HHAT: variants seen among roughly 807,000 people sequenced by gnomAD.
HHAT encodes hedgehog acyltransferase.
A neutral mutation model predicts 70.8 loss-of-function variants in HHAT; 47 were observed. That is an observed-to-expected ratio of 0.66 (90% CI 0.53 to 0.85). The LOEUF is 0.85. Among genes scored for constraint, HHAT ranks in the 40% least tolerant of loss-of-function variants. The pLI is 0.00. For synonymous variants in HHAT, 228 were observed against 247.6 expected (o/e 0.92, Z 0.74); for missense variants, 609 against 604.8 (o/e 1.01, Z -0.07).
chr1:210,502,529 G>C (rs906221111), intron 8 of HHAT, among the ~76,000 whole-genome samples: 1 of 152,072 alleles, frequency 6.6e-6, no homozygotes, highest in African/African-American at 2.4e-5. Context: ...GTTAAAATCA[G>C]GTCCCTTATT....
intron 9 of HHAT, among the ~76,000 whole-genome samples, chr1:210,519,512 C>T (rs914205270): frequency 6.1e-5 from 9 of 146,592 alleles, no homozygotes; most frequent in Non-Finnish European, 1.3e-4. Context: ...ACATCCTTGC[C>T]AACAATTTTC....
At chr1:210,470,001 A>C (rs1047292452) in intron 8 of HHAT, among the ~76,000 whole-genome samples, 1 of 151,944 alleles carries the variant, frequency 6.6e-6, no homozygotes, top group East Asian at 1.9e-4. Flanking sequence ...TTCTCCCCAC[A>C]CCTGGCTAAT....
At chr1:210,334,634 T>C (rs1200698318) in intron 1 of HHAT, among the ~76,000 whole-genome samples, 2 of 152,090 alleles carry the variant, frequency 1.3e-5, no homozygotes, top group African/African-American at 4.8e-5. Flanking sequence ...ATTCCTGAAA[T>C]AGTGGATGTA....
In HHAT at chr1:210,550,474, T is replaced by C. The variant is rs144725861; in HGVS notation, c.1043+37286T>C. On this transcript the variant is annotated intron_variant, in intron 9 of 11. Coordinates refer to ENST00000261458, the MANE Select transcript of HHAT (RefSeq NM_018194.6). ...ATGGTGATAATACCTACTTCAGGAC[T>C]GCTGTTCAGCTTAAATGATATGAAG... Among the ~76,000 whole-genome samples, 48 of 149,196 alleles carry C rather than the reference T, an allele frequency of 3.2e-4. 6 individuals are homozygous for C. In the East Asian group the frequency reaches 0.01, roughly 31 times the overall value.
intron 11 of HHAT, among the ~76,000 whole-genome samples, chr1:210,642,482 A>T (rs1468913003): frequency 6.6e-6 from 1 of 152,230 alleles, no homozygotes; most frequent in African/African-American, 2.4e-5. Context: ...AGAGTGCATG[A>T]GGAACCTAGT....
At chr1:210,436,333 TA>T (rs2093373983) in intron 7 of HHAT, among the ~76,000 whole-genome samples, 2 of 151,858 alleles carry the variant, frequency 1.3e-5, no homozygotes, top group African/African-American at 4.9e-5. Context: ...CTTTTTTTTT[TA>T]ATGCCAGTAC....
At chr1:210,622,003 G>A (rs1668936184) in intron 10 of HHAT, among the ~76,000 whole-genome samples, 1 of 152,190 alleles carries the variant, frequency 6.6e-6, no homozygotes, top group African/African-American at 2.4e-5. Flanking sequence ...GGGGCTGGCA[G>A]GAGAGAACAG....
intron 3 of HHAT, among the ~76,000 whole-genome samples, chr1:210,387,110 C>T (rs867224501): frequency 5.3e-5 from 8 of 152,046 alleles, no homozygotes; most frequent in East Asian, 1.9e-4. Flanking sequence ...GAGTTCCTTA[C>T]GTCTCTGTTT....
At chr1:210,634,075 T>G (rs960708963) in intron 11 of HHAT, among the ~76,000 whole-genome samples, 3 of 152,242 alleles carry the variant, frequency 2.0e-5, no homozygotes, top group Admixed American at 6.5e-5. Context: ...AAGGGAAATT[T>G]AACCTTTGTT....
intron 7 of HHAT, among the ~76,000 whole-genome samples, chr1:210,428,451 G>A (rs1330581423): frequency 6.7e-6 from 1 of 150,108 alleles, no homozygotes; most frequent in African/African-American, 2.5e-5. Context: ...TTTTACTAAG[G>A]TCCTTTATAT....
At chr1:210,428,884 G>T (rs1572377140) in intron 7 of HHAT, among the ~76,000 whole-genome samples, 1 of 151,656 alleles carries the variant, frequency 6.6e-6, no homozygotes, top group Non-Finnish European at 1.5e-5. Flanking sequence ...GCTGAGATGG[G>T]TGAATCACTT....
intron 9 of HHAT, among the ~76,000 whole-genome samples, chr1:210,545,605 T>C (rs185609504): frequency 6.6e-6 from 1 of 152,184 alleles, no homozygotes; most frequent in East Asian, 1.9e-4. Flanking sequence ...CTTAGCTAAC[T>C]TTTGTATTTT....
At chr1:210,336,655 G>A (rs2085526568) in intron 1 of HHAT, among the ~76,000 whole-genome samples, 4 of 152,034 alleles carry the variant, frequency 2.6e-5, no homozygotes, top group Admixed American at 1.3e-4. Context: ...GTGGTGATGC[G>A]AGCCTGCAAT....
rs1553264934 is a variant in HHAT at position 210,544,391 on chromosome 1, T to TGTTTTTTTTTTTTTTTTTTTTTTTG, written c.1043+31204_1043+31205insTTTTTTTTTTTTTTTTTTTTTTTGG. The stretch of plus-strand genomic sequence containing the variant: ...CGTTTTTTTTTTTTTTTTTTTTTTT[T>TGTTTTTTTTTTTTTTTTTTTTTTTG]GACACAGTTTTGCTCTTGTTGCCCA... On this transcript the variant is annotated intron_variant, in intron 9 of 11. Transcript: ENST00000261458. 2.0e-5 allele frequency among the ~76,000 whole-genome samples: 2 copies of TGTTTTTTTTTTTTTTTTTTTTTTTG among 99,338 alleles called. 1 individual carries two copies. The allele number at this position is 99,338 out of a possible 152,430, so 65.2% of individuals were successfully genotyped here. A position where few individuals can be genotyped will look rare whatever the true frequency, so the allele number is the denominator to read the frequency against.
chr1:210,391,697 A>G (rs2091470435), intron 4 of HHAT, among the ~76,000 whole-genome samples: 1 of 152,252 alleles, frequency 6.6e-6, no homozygotes, highest in Non-Finnish European at 1.5e-5. Context: ...ATAAGATAAC[A>G]TTCTATGCTT....
intron 10 of HHAT, among the ~76,000 whole-genome samples, chr1:210,621,683 G>A (rs572708610): frequency 4.6e-5 from 7 of 152,194 alleles, no homozygotes; most frequent in East Asian, 3.9e-4. Context: ...TAGTTATCTC[G>A]TACCAGGTCT....
At chr1:210,638,337 T>C (rs1266992341) in intron 11 of HHAT, among the ~76,000 whole-genome samples, 1 of 152,216 alleles carries the variant, frequency 6.6e-6, no homozygotes, top group Non-Finnish European at 1.5e-5. Context: ...TGGAGTATTA[T>C]TCAGCAATAA....
In HHAT at chr1:210,502,982, T is replaced by TC. The variant is rs548342409; in HGVS notation, c.1008-10171_1008-10170insC. On this transcript the variant is annotated intron_variant, in intron 8 of 11. Transcript: ENST00000261458. ...CTATATACTGAAGATATTTTTTTTT[T>TC]TTTGAGACGGTCTCCCTCTGTCACC... 3.3e-3 allele frequency among the ~76,000 whole-genome samples: 500 copies of TC among 152,198 alleles called. 2 individuals carry two copies. Among genetic ancestry groups the TC allele is most frequent in the African/African-American group, 0.012 (478 of 41,516 alleles).
intron 6 of HHAT, among the ~76,000 whole-genome samples, chr1:210,406,393 T>G (rs899886465): frequency 1.5e-5 from 2 of 133,182 alleles, no homozygotes; most frequent in Admixed American, 7.7e-5. Flanking sequence ...CTCATCTCCT[T>G]TTTCTTCTTT....
Sources: allele counts gnomAD v4.1 joint callset (sites outside exome capture counted in the v4.1 genomes callset), GRCh38; gene constraint gnomAD v4.1.1; transcripts MANE v1.5; gene names NCBI Gene and HGNC (gene_info 2026-07-23, HGNC 2026-07-21).